The following CCR9 variants were observed in gnomAD, a reference collection of about 807,000 sequenced individuals.
CCR9 encodes C-C motif chemokine receptor 9, also known as C-C chemokine receptor type 9.
CCR9 carries 4 observed loss-of-function variants against 8.7 expected under a neutral mutation model. The ratio of observed to expected loss-of-function variants is 0.46; its 90% CI spans 0.23 to 1.06. The LOEUF (loss-of-function observed/expected upper bound fraction) is 1.06. Ranked by LOEUF, CCR9 falls within the 50% of genes least tolerant of loss-of-function variation. CCR9 has a pLI of 0.21. For missense variants in CCR9, 394 were observed against 453.6 expected (o/e 0.87, Z 1.19); for synonymous variants, 159 against 168.8 (o/e 0.94, Z 0.45).
At chr3:45,897,993 A>AC (rs68003981) in intron 2 of CCR9, among the ~76,000 whole-genome samples, 59 of 146,360 alleles carry the variant, frequency 4.0e-4, no homozygotes, top group African/African-American at 7.5e-4. Context: ...AAAAAAAAAA[A>AC]CACACAAAAC....
chr3:45,902,983 A>T lies in CCR9; in HGVS notation c.*1085A>T, dbSNP rs979008971. ...ACTTAGAGATTAGGCTGAAAAAAATAAGTAATGGAATTCACCTTTGCATCT... is the reference window on the plus strand; with the variant it reads ...ACTTAGAGATTAGGCTGAAAAAAATTAGTAATGGAATTCACCTTTGCATCT... On this transcript the variant is annotated 3_prime_UTR_variant, in exon 3 of 3. Coordinates refer to ENST00000357632, the MANE Select transcript of CCR9 (RefSeq NM_031200.3). The T allele has an allele frequency of 6.0e-6, 1 of 167,134 alleles. No individual in the cohort carries two copies. 10.4% of individuals were successfully genotyped at this position (167,134 alleles called of 1,614,324 possible).
chr3:45,898,559 C>T (rs1459790113), intron 2 of CCR9, among the ~76,000 whole-genome samples: 1 of 152,244 alleles, frequency 6.6e-6, no homozygotes, highest in African/African-American at 2.4e-5. Context: ...TCCTGGGTCC[C>T]TCTCTTTGCA....
At chr3:45,897,481 C>A in intron 2 of CCR9, 2 of 855,374 alleles carry the variant, frequency 2.3e-6, no homozygotes, top group Non-Finnish European at 3.8e-6. Flanking sequence ...TTAGCTGTGC[C>A]TGCTCACCGG....
At position 45,899,955 on chromosome 3, in the gene CCR9, G is replaced by A. The variant is rs1416405864; in HGVS notation, c.22-855G>A. On this transcript the variant is annotated intron_variant, in intron 2 of 2. Coordinates refer to ENST00000357632, the MANE Select transcript of CCR9 (RefSeq NM_031200.3). The stretch of plus-strand genomic sequence containing the variant: ...TGCGCATATATGTGTGTATATATGT[G>A]TGCATGCATGAGTGTGTACCTATGT... 2.0e-5 allele frequency among the ~76,000 whole-genome samples: 3 copies of A among 152,190 alleles called. No individual in the cohort carries two copies. In the East Asian group the frequency reaches 5.8e-4, roughly 29 times the overall value.
In CCR9 at chr3:45,886,589, C is replaced by T. The variant is rs995190509; in HGVS notation, c.-95C>T. On this transcript the variant is annotated 5_prime_UTR_variant, in exon 1 of 3. Coordinates refer to ENST00000357632, the MANE Select transcript of CCR9 (RefSeq NM_031200.3). ...TCATCCCAGGCAGAGAGCAACCCAG[C>T]TCTTTCCCCAGACACTGAGAGCTGG... 6.6e-6 allele frequency: 1 copy of T among 152,246 alleles called. No homozygotes were observed. The highest frequency in any genetic ancestry group is 2.4e-5 in the African/African-American group (1 of 41,442). The allele number at this position is 152,246 out of a possible 1,614,324, so 9.4% of individuals were successfully genotyped here.
At position 45,900,802 on chromosome 3, in the gene CCR9, C is replaced by A. The variant is rs755154974; in HGVS notation, c.22-8C>A. 1.2e-6 allele frequency: 2 copies of A among 1,603,210 alleles called. No homozygotes were observed. The highest frequency in any genetic ancestry group is 1.7e-6 in the Non-Finnish European group (2 of 1,173,036). On this transcript the variant is annotated splice_region_variant and splice_polypyrimidine_tract_variant and intron_variant, in intron 2 of 2. Coordinates refer to ENST00000357632, the MANE Select transcript of CCR9 (RefSeq NM_031200.3). The surrounding 1 kb of genome is among the most constrained non-coding windows in gnomAD (Gnocchi z 4.7). ...CTTGACCTAATGCCATCTTGTGTCC[C>A]CTTGCAGAGCCCTATTCCTAACATG...
At position 45,901,256 on chromosome 3, in the gene CCR9, T is replaced by C. The variant is rs1702545972; in HGVS notation, c.468T>C (p.Thr156=). The C allele has an allele frequency of 6.2e-7, 1 of 1,614,214 alleles. No individual in the cohort carries two copies. The highest frequency in any genetic ancestry group is 8.5e-7 in the Non-Finnish European group (1 of 1,180,046). ...TTGCCCAGGCCATGAGAGCACATAC[T>C]TGGAGGGAGAAAAGGCTTTTGTACA... ...IAIAQAMRAH[T]WREKRLLYSK... Residue 156 remains threonine, a synonymous_variant, in exon 3 of 3, where the codon ACT becomes ACC. Coordinates refer to ENST00000357632, the MANE Select transcript of CCR9 (RefSeq NM_031200.3). This position sits in a 1 kb window ranked among gnomAD's most constrained non-coding sequence, Gnocchi z 4.3.
chr3:45,897,634 C>T (rs1177452496), intron 2 of CCR9: 46 of 1,532,438 alleles, frequency 3.0e-5, no homozygotes, highest in Non-Finnish European at 3.8e-5. Flanking sequence ...GACCTTAGCC[C>T]AGGACTAACA....
intron 2 of CCR9, 192 bp downstream of exon 2, chr3:45,895,146 A>C: frequency 1.6e-6 from 1 of 632,294 alleles, no homozygotes; most frequent in Non-Finnish European, 2.8e-6. Context: ...GCAAAGAGGC[A>C]GCTATGCTTT....
intron 1 of CCR9, among the ~76,000 whole-genome samples, chr3:45,891,792 T>C (rs1193098476): frequency 2.6e-5 from 4 of 152,234 alleles, no homozygotes; most frequent in Admixed American, 6.5e-5. Flanking sequence ...TCTCAGTTTT[T>C]CTTTGTCTCA....
At chr3:45,895,096 G>T (rs921168102) in intron 2 of CCR9, 142 bp downstream of exon 2, 9 of 876,544 alleles carry the variant, frequency 1.0e-5, no homozygotes, top group Non-Finnish European at 1.7e-5. Context: ...AATGCGCATT[G>T]CTGGGTAGGT....
intron 1 of CCR9, among the ~76,000 whole-genome samples, chr3:45,888,037 T>C (rs1702036725): frequency 6.6e-6 from 1 of 152,236 alleles, no homozygotes; most frequent in African/African-American, 2.4e-5. Context: ...GTGTGCACAA[T>C]AACCCCATGC....
chr3:45,891,081 A>G (rs1233718465), intron 1 of CCR9, among the ~76,000 whole-genome samples: 1 of 152,204 alleles, frequency 6.6e-6, no homozygotes, highest in African/African-American at 2.4e-5. Flanking sequence ...ATTTCCTGCA[A>G]ACACGTGTGT....
chr3:45,892,466 A>T (rs1165332790), intron 1 of CCR9, among the ~76,000 whole-genome samples: 1 of 152,164 alleles, frequency 6.6e-6, no homozygotes, highest in Non-Finnish European at 1.5e-5. Context: ...AGAACAGAAA[A>T]ACAAATGTCA....
Position 45,897,439 on chromosome 3 carries a change from A to G in CCR9, c.21+2485A>G, listed in dbSNP as rs1223404673. The G allele has an allele frequency of 1.6e-5, 11 of 709,566 alleles. No individual in the cohort carries two copies. The East Asian group carries it at 2.2e-4, about 14-fold the overall frequency. 44.0% of individuals were successfully genotyped at this position (709,566 alleles called of 1,614,324 possible). ...CCCCCTGGGCTTCCAGCAGGACACA[A>G]TGTCCTTGTCTGGGATTCAGTCTTG... On this transcript the variant is annotated intron_variant, in intron 2 of 2. Coordinates refer to ENST00000357632, the MANE Select transcript of CCR9 (RefSeq NM_031200.3).
In CCR9 at chr3:45,899,683, G is replaced by A. The variant is rs1019581271; in HGVS notation, c.22-1127G>A. On this transcript the variant is annotated intron_variant, in intron 2 of 2. Transcript: ENST00000357632. ...GGGAGCCCTCAGAAGGAAACTGGTG[G>A]GAAGTGAGAGCGCTTGAAGATCTGT... is the stretch of plus-strand genomic sequence containing the variant. Among the ~76,000 whole-genome samples the A allele has an allele frequency of 2.6e-4, 39 of 152,190 alleles. 1 individual carries two copies. Among genetic ancestry groups the A allele is most frequent in the Admixed American group, 2.2e-3 (34 of 15,282 alleles).
intron 1 of CCR9, among the ~76,000 whole-genome samples, chr3:45,888,005 G>A (rs1379370767): frequency 6.6e-6 from 1 of 152,256 alleles, no homozygotes; most frequent in Non-Finnish European, 1.5e-5. Flanking sequence ...AGCATCAGAG[G>A]CTATAAGTGT....
chr3:45,897,125 C>CT (rs913939435), intron 2 of CCR9, among the ~76,000 whole-genome samples: 17 of 152,298 alleles, frequency 1.1e-4, no homozygotes, highest in African/African-American at 3.8e-4. Flanking sequence ...GGATGGGCCC[C>CT]TTGCCCTGGC....
intron 1 of CCR9, among the ~76,000 whole-genome samples, chr3:45,890,142 ATTCT>A (rs1233111575): frequency 1.3e-5 from 2 of 148,512 alleles, no homozygotes; most frequent in South Asian, 2.1e-4. Flanking sequence ...TAACAAAGCC[ATTCT>A]TTCTTCTTTT....
Sources: allele counts gnomAD v4.1 joint callset (sites outside exome capture counted in the v4.1 genomes callset), GRCh38; gene constraint gnomAD v4.1.1; non-coding constraint Gnocchi (gnomAD v3.1); transcripts MANE v1.5; gene names NCBI Gene and HGNC (gene_info 2026-07-23, HGNC 2026-07-21).